COX14: variants seen among roughly 807,000 people sequenced by gnomAD.
The protein encoded by COX14 is cytochrome c oxidase assembly factor COX14.
Under a neutral mutation model 5.8 loss-of-function variants are expected in COX14, and 3 were observed. The ratio of observed to expected loss-of-function variants is 0.51; its 90% confidence interval spans 0.23 to 1.33. The LOEUF (loss-of-function observed/expected upper bound fraction) is 1.33. COX14 is among the 40% of genes most tolerant of loss of function. COX14 has a pLI of 0.18. For missense variants in COX14, 72 were observed against 72.1 expected, an observed-to-expected ratio of 1.00 and a Z score of 0.01; for synonymous variants, 25 against 26.1, an observed-to-expected ratio of 0.96 and a Z score of 0.13.
intron 1 of COX14, among the ~76,000 whole-genome samples, chr12:50,116,931 G>A (rs1366610522): frequency 1.3e-5 from 2 of 152,160 alleles, no homozygotes; most frequent in Non-Finnish European, 2.9e-5. Flanking sequence ...TCAGCCCTTA[G>A]GGTTTACTCT....
At chr12:50,118,459 GTTTC>G in intron 1 of COX14, 1 of 984,462 alleles carries the variant, frequency 1.0e-6, no homozygotes, top group Non-Finnish European at 1.2e-6. Context: ...TCTGGTTGTT[GTTTC>G]TTTAAAAATA....
chr12:50,117,934 A>G (rs1419808175), intron 1 of COX14, among the ~76,000 whole-genome samples: 6 of 151,802 alleles, frequency 4.0e-5, no homozygotes, highest in African/African-American at 1.5e-4. Flanking sequence ...TAGTAGAGAC[A>G]GGGTTTCACC....
At chr12:50,117,323 T>C (rs1299698094) in intron 1 of COX14, among the ~76,000 whole-genome samples, 3 of 152,062 alleles carry the variant, frequency 2.0e-5, no homozygotes, top group Non-Finnish European at 4.4e-5. Flanking sequence ...CCTAGGTTCT[T>C]GACTTTGTTG....
chr12:50,118,514 TC>T (rs1219579664), intron 1 of COX14: 2 of 778,948 alleles, frequency 2.6e-6, no homozygotes, highest in African/African-American at 1.9e-5. Flanking sequence ...CACGCCGTAA[TC>T]CCAGCACTTT....
intron 1 of COX14, among the ~76,000 whole-genome samples, chr12:50,118,941 T>C (rs1362144929): frequency 6.6e-6 from 1 of 152,186 alleles, no homozygotes; most frequent in Non-Finnish European, 1.5e-5. Flanking sequence ...GACATTTTGT[T>C]CCAGATGAGG....
At chr12:50,113,863 C>A (rs1427745687) in intron 1 of COX14, among the ~76,000 whole-genome samples, 1 of 151,984 alleles carries the variant, frequency 6.6e-6, no homozygotes, top group Admixed American at 6.6e-5. Context: ...GAACTCCTGA[C>A]CTCAGGTTAT....
chr12:50,116,754 AG>A (rs1951083920), intron 1 of COX14, among the ~76,000 whole-genome samples: 1 of 152,182 alleles, frequency 6.6e-6, no homozygotes, highest in African/African-American at 2.4e-5. Context: ...TTCAAACCTC[AG>A]ATTTCAAACC....
chr12:50,115,968 TATTA>T (rs1951077388), intron 1 of COX14, among the ~76,000 whole-genome samples: 1 of 152,122 alleles, frequency 6.6e-6, no homozygotes, highest in Non-Finnish European at 1.5e-5. Context: ...AACTTGGAGG[TATTA>T]ATATTTTCAG....
chr12:50,119,449 T>C (rs1951110943), intron 1 of COX14, among the ~76,000 whole-genome samples: 1 of 152,126 alleles, frequency 6.6e-6, no homozygotes, highest in Non-Finnish European at 1.5e-5. Context: ...CCCAGCACTT[T>C]GGGAGGCCAA....
intron 1 of COX14, chr12:50,118,411 T>G (rs931813467): frequency 3.0e-5 from 30 of 984,784 alleles, no homozygotes; most frequent in Non-Finnish European, 3.5e-5. Context: ...TCGTGCAGCT[T>G]GCACATACCC....
chr12:50,115,217 A>ATT (rs879659328), intron 1 of COX14, among the ~76,000 whole-genome samples: 4 of 132,170 alleles, frequency 3.0e-5, no homozygotes, highest in Non-Finnish European at 5.0e-5. Flanking sequence ...GAGCATCTTA[A>ATT]TTTTTTTTTT....
intron 1 of COX14, among the ~76,000 whole-genome samples, chr12:50,116,829 A>C (rs1227758830): frequency 1.3e-5 from 2 of 152,136 alleles, no homozygotes; most frequent in African/African-American, 2.4e-5. Flanking sequence ...ACCTTACTTA[A>C]TATCACTTTC....
intron 1 of COX14, among the ~76,000 whole-genome samples, chr12:50,114,629 G>A (rs965062212): frequency 5.9e-5 from 9 of 151,738 alleles, no homozygotes; most frequent in African/African-American, 2.2e-4. Flanking sequence ...TCTCTTTCTG[G>A]TCTTATCCTC....
chr12:50,116,177 C>T (rs1951079426), intron 1 of COX14, among the ~76,000 whole-genome samples: 1 of 151,512 alleles, frequency 6.6e-6, no homozygotes, highest in Non-Finnish European at 1.5e-5. Context: ...ACTGCAACCT[C>T]TGCCTCCCAG....
At chr12:50,119,305 G>A (rs1040920995) in intron 1 of COX14, among the ~76,000 whole-genome samples, 1 of 152,238 alleles carries the variant, frequency 6.6e-6, no homozygotes, top group Non-Finnish European at 1.5e-5. Flanking sequence ...TCTTCCTAGA[G>A]AGAATAATTC....
chr12:50,117,643 A>G (rs1951092823), intron 1 of COX14, among the ~76,000 whole-genome samples: 1 of 147,624 alleles, frequency 6.8e-6, no homozygotes, highest in African/African-American at 2.5e-5. Context: ...CAATGATGCG[A>G]TCTCGGCTCA....
At chr12:50,115,045 C>T (rs1425750959) in intron 1 of COX14, among the ~76,000 whole-genome samples, 5 of 146,866 alleles carry the variant, frequency 3.4e-5, no homozygotes, top group South Asian at 2.2e-4. Flanking sequence ...GGATTACAGG[C>T]GTGAGCCACC....
At position 50,120,283 on chromosome 12, in the gene COX14, AC is replaced by A. The variant is rs766237985; in HGVS notation, c.*68del. 1.2e-5 allele frequency: 16 copies of A among 1,377,568 alleles called. No homozygotes were observed. In the East Asian group the frequency reaches 1.4e-4, roughly 12 times the overall value. The allele number at this position is 1,377,568 out of a possible 1,614,324, so 85.3% of individuals were successfully genotyped here. A position where few individuals can be genotyped will look rare whatever the true frequency, so the allele number is the denominator to read the frequency against. On this transcript the variant is annotated 3_prime_UTR_variant, in exon 2 of 2. Transcript: ENST00000550487. ...ATGCTGTGGAGAGACTTCACCTGCCACCATTTCCAGGTCAACAGGACTAGAG... is the reference window on the plus strand; with the variant it reads ...ATGCTGTGGAGAGACTTCACCTGCCACATTTCCAGGTCAACAGGACTAGAG...
intron 1 of COX14, among the ~76,000 whole-genome samples, chr12:50,118,047 C>T (rs1023781018): frequency 1.0e-5 from 1 of 95,508 alleles, no homozygotes; most frequent in Non-Finnish European, 2.0e-5. Context: ...CTGGCACCCC[C>T]CCTTTTTTTT....
Sources: gnomAD v4.1 joint callset for allele counts (sites outside exome capture counted in the v4.1 genomes callset) on GRCh38, gnomAD v4.1.1 for gene constraint, MANE v1.5 for transcripts, NCBI Gene and HGNC (gene_info 2026-07-23, HGNC 2026-07-21) for gene names.